The following GPC5 variants were observed in gnomAD, a reference collection of about 807,000 sequenced individuals.
GPC5 encodes glypican 5.
In GPC5, 47 loss-of-function variants were observed where a neutral mutation model predicts 53.9. The ratio of observed to expected loss-of-function variants is 0.87; its 90% confidence interval spans 0.69 to 1.11. GPC5 has a LOEUF of 1.11. Ranked by LOEUF, GPC5 falls within the 50% of genes most tolerant of loss-of-function variation. GPC5 has a pLI of 0.00. For missense variants in GPC5, 748 were observed against 713.1 expected, an observed-to-expected ratio of 1.05 and a Z score of -0.56; for synonymous variants, 286 against 263.3, an observed-to-expected ratio of 1.09 and a Z score of -0.84.
chr13:92,661,301 A>C (rs1468643784), intron 7 of GPC5, among the ~76,000 whole-genome samples: 1 of 152,074 alleles, frequency 6.6e-6, no homozygotes, highest in Admixed American at 6.6e-5. Flanking sequence ...CTCAAAAAAA[A>C]ACATAAAAAC....
chr13:92,614,757 G>A (rs1884626760), intron 7 of GPC5, among the ~76,000 whole-genome samples: 1 of 152,062 alleles, frequency 6.6e-6, no homozygotes, highest in Non-Finnish European at 1.5e-5. Flanking sequence ...CAATGTAATG[G>A]GTAGGAGGAG....
In GPC5 at chr13:91,435,172, C is replaced by A. The variant is rs139442696; in HGVS notation, c.164-13589C>A. On this transcript the variant is annotated intron_variant, in intron 1 of 7. Coordinates refer to ENST00000377067, the MANE Select transcript of GPC5 (RefSeq NM_004466.6). ...ACTTTCTGTTTTCCTAATTGAATAC[C>A]CTTTATTTCCTTCTCCTGCCTGATT... Among the ~76,000 whole-genome samples the A allele has an allele frequency of 2.4e-3, 372 of 152,170 alleles. 3 individuals carry two copies. Among genetic ancestry groups the A allele is most frequent in the African/African-American group, 8.3e-3 (346 of 41,520 alleles).
intron 2 of GPC5, among the ~76,000 whole-genome samples, chr13:91,557,546 T>A (rs1279895458): frequency 6.6e-6 from 1 of 152,134 alleles, no homozygotes; most frequent in African/African-American, 2.4e-5. Context: ...TTGGTCTCAG[T>A]TGTTCAGGTG....
At chr13:91,973,575 G>GT (rs2040265831) in intron 6 of GPC5, among the ~76,000 whole-genome samples, 2 of 152,112 alleles carry the variant, frequency 1.3e-5, no homozygotes, top group Admixed American at 6.5e-5. Context: ...TTTCTGCTCT[G>GT]TTTTTTCCCC....
chr13:91,956,514 G>A (rs564711644), intron 6 of GPC5, among the ~76,000 whole-genome samples: 74 of 152,182 alleles, frequency 4.9e-4, no homozygotes, highest in African/African-American at 1.7e-3. Context: ...CAAGAAAGCC[G>A]CCAGAAATGG....
In GPC5 at chr13:92,358,266, C is replaced by T. The variant is rs74640402; in HGVS notation, c.1561+213277C>T. ...ATTGATTCCATGTCTCACATCTAGT[C>T]CACATTGATACAAGGGGTGGGCTCC... is the stretch of plus-strand genomic sequence containing the variant. On this transcript the variant is annotated intron_variant, in intron 7 of 7. Coordinates refer to ENST00000377067, the MANE Select transcript of GPC5 (RefSeq NM_004466.6). Among the ~76,000 whole-genome samples the T allele has an allele frequency of 8.5e-3, 1,297 of 151,848 alleles. 66 individuals are homozygous for T. Among genetic ancestry groups the T allele is most frequent in the African/African-American group, 0.03 (1,218 of 41,144 alleles).
At chr13:92,297,070 C>CAG (rs1363681644) in intron 7 of GPC5, among the ~76,000 whole-genome samples, 1 of 152,252 alleles carries the variant, frequency 6.6e-6, no homozygotes, top group Non-Finnish European at 1.5e-5. Flanking sequence ...GCAGGACTGG[C>CAG]AGGCAGCTCC....
chr13:92,122,046 C>A (rs1346313103), intron 6 of GPC5, among the ~76,000 whole-genome samples: 2 of 152,156 alleles, frequency 1.3e-5, no homozygotes, highest in African/African-American at 2.4e-5. Context: ...CTCTGCCATT[C>A]ATCCAGTGAC....
chr13:92,065,889 T>C (rs2041163451), intron 6 of GPC5, among the ~76,000 whole-genome samples: 1 of 152,150 alleles, frequency 6.6e-6, no homozygotes, highest in African/African-American at 2.4e-5. Context: ...CATGGTGTTT[T>C]GCATATTCAA....
At chr13:91,754,152 G>A (rs577806968) in intron 4 of GPC5, among the ~76,000 whole-genome samples, 1 of 152,258 alleles carries the variant, frequency 6.6e-6, no homozygotes, top group South Asian at 2.1e-4. Context: ...TTGGGTTGTT[G>A]TTCAAATTGA....
intron 5 of GPC5, among the ~76,000 whole-genome samples, chr13:91,768,998 A>G (rs933977031): frequency 2.6e-5 from 4 of 151,938 alleles, no homozygotes; most frequent in African/African-American, 9.7e-5. Flanking sequence ...CAGAAAACAA[A>G]AACAAAACCA....
intron 3 of GPC5, among the ~76,000 whole-genome samples, chr13:91,719,919 C>A (rs1452295596): frequency 6.6e-6 from 1 of 151,872 alleles, no homozygotes; most frequent in Non-Finnish European, 1.5e-5. Context: ...TTCTAATCAG[C>A]CTTGGATAAA....
chr13:92,702,578 C>T (rs1166327436), intron 7 of GPC5, among the ~76,000 whole-genome samples: 1 of 152,052 alleles, frequency 6.6e-6, no homozygotes, highest in Non-Finnish European at 1.5e-5. Flanking sequence ...CAAAATGTTT[C>T]CAGTATCCAG....
chr13:92,852,109 G>A (rs957248242), intron 7 of GPC5, among the ~76,000 whole-genome samples: 3 of 152,166 alleles, frequency 2.0e-5, no homozygotes, highest in Non-Finnish European at 4.4e-5. Context: ...CAACCTGTAT[G>A]CAGAGTGAAA....
intron 6 of GPC5, among the ~76,000 whole-genome samples, chr13:91,998,775 G>A (rs9589394): frequency 0.11 from 16,498 of 152,198 alleles, 3,045 homozygotes; most frequent in African/African-American, 0.37. Context: ...AGGAGGTGGC[G>A]AGTCAGTCTG....
intron 2 of GPC5, among the ~76,000 whole-genome samples, chr13:91,674,034 A>G (rs960773755): frequency 1.3e-5 from 2 of 152,184 alleles, no homozygotes; most frequent in Non-Finnish European, 2.9e-5. Flanking sequence ...AGAGAACAAC[A>G]CTTCAAATTA....
chr13:92,382,850 A>T (rs2043760687), intron 7 of GPC5, among the ~76,000 whole-genome samples: 1 of 151,854 alleles, frequency 6.6e-6, no homozygotes, highest in Non-Finnish European at 1.5e-5. Context: ...ATACAAAAAA[A>T]AAATTAGCCA....
At chr13:91,815,713 C>G (rs1188444619) in intron 5 of GPC5, among the ~76,000 whole-genome samples, 1 of 152,198 alleles carries the variant, frequency 6.6e-6, no homozygotes, top group Non-Finnish European at 1.5e-5. Flanking sequence ...TCACTTAAGA[C>G]TAAAACAGTG....
At chr13:92,253,737 T>C (rs1446742093) in intron 7 of GPC5, among the ~76,000 whole-genome samples, 1 of 151,984 alleles carries the variant, frequency 6.6e-6, no homozygotes, top group African/African-American at 2.4e-5. Flanking sequence ...TAGAATAACA[T>C]GACTTGAAAG....
Sources: allele counts gnomAD v4.1 joint callset (sites outside exome capture counted in the v4.1 genomes callset), GRCh38; gene constraint gnomAD v4.1.1; transcripts MANE v1.5; gene names NCBI Gene and HGNC (gene_info 2026-07-23, HGNC 2026-07-21).